The following CYFIP1 variants were observed in gnomAD, a reference collection of about 807,000 sequenced individuals.
CYFIP1 encodes the protein cytoplasmic FMR1-interacting protein 1.
Under a neutral mutation model 163.5 loss-of-function variants are expected in CYFIP1, and 58 were observed. That is an observed-to-expected ratio of 0.35 (90% CI 0.29 to 0.44). The LOEUF (loss-of-function observed/expected upper bound fraction) is 0.44, where lower values mean the gene tolerates loss of function less well. Among genes scored for constraint, CYFIP1 ranks in the 20% least tolerant of loss-of-function variants. The probability of loss-of-function intolerance (pLI) is 1.00; values close to 1 mark genes in which losing one functional copy is unlikely to be tolerated. For missense variants in CYFIP1, 1,338 were observed against 1,653.8 expected (o/e 0.81, Z 3.31); for synonymous variants, 663 against 660.7 (o/e 1.00, Z -0.05).
At position 22,882,980 on chromosome 15, in the gene CYFIP1, C is replaced by A. The variant is rs746768522; in HGVS notation, c.2708G>T (p.Gly903Val). The A allele has an allele frequency of 1.2e-6, 2 of 1,613,974 alleles. No homozygotes were observed. The highest frequency in any genetic ancestry group is 1.7e-6 in the Non-Finnish European group (2 of 1,179,916). Reference sequence around the variant, plus strand: ...AGGTCCCACGAAGTTCCGGTAGCTGCCGTAAATGCTGGAGTAGGCCAAGTT... The same window carrying A: ...AGGTCCCACGAAGTTCCGGTAGCTGACGTAAATGCTGGAGTAGGCCAAGTT... The part of the protein sequence containing the change: ...ALNLAYSSIY[G>V]SYRNFVGPPH... Residue 903 changes from glycine to valine, a missense_variant, in exon 24 of 31, where the codon GGC becomes GTC. By Grantham distance (109) the Gly-to-Val change is moderately radical (BLOSUM62 -3). Coordinates refer to ENST00000617928, the MANE Select transcript of CYFIP1 (RefSeq NM_014608.6).
At chr15:22,951,349 C>T in intron 1 of CYFIP1, 1 of 1,190,896 alleles carries the variant, frequency 8.4e-7, no homozygotes, top group South Asian at 1.5e-5. Context: ...CTGTTCCACA[C>T]ACCTCAGAAA....
intron 18 of CYFIP1, 69 bp from the exon 19 acceptor site, chr15:22,910,882 CAAA>C: frequency 7.2e-7 from 1 of 1,389,586 alleles, no homozygotes; most frequent in Non-Finnish European, 1.0e-6. Context: ...AGGTGAAAAA[CAAA>C]ATGTTTCGTT....
At chr15:22,916,719 T>C (rs1454797727) in intron 15 of CYFIP1, 89 bp from the exon 16 acceptor site, 2 of 1,613,910 alleles carry the variant, frequency 1.2e-6, no homozygotes, top group Non-Finnish European at 1.7e-6. Flanking sequence ...AGAGAAGGAC[T>C]GCTCCGCTAC....
chr15:22,939,696 T>C (rs1158214533), intron 6 of CYFIP1, among the ~76,000 whole-genome samples, 189 bp from the exon 7 acceptor site: 2 of 151,892 alleles, frequency 1.3e-5, no homozygotes, highest in Non-Finnish European at 2.9e-5. Context: ...GCACTCCAGG[T>C]CAGTCTTCTG....
rs766177290 is a variant in CYFIP1 at position 22,931,686 on chromosome 15, GAAAAAAA to G, written c.1110+530_1110+536del. 2.2e-3 allele frequency among the ~76,000 whole-genome samples: 89 copies of G among 39,712 alleles called. 1 individual carries two copies. Among genetic ancestry groups the G allele is most frequent in the Admixed American group, 3.1e-3 (7 of 2,276 alleles). 26.1% of individuals were successfully genotyped at this position (39,712 alleles called of 152,430 possible). A position where few individuals can be genotyped will look rare whatever the true frequency, so the allele number is the denominator to read the frequency against. On this transcript the variant is annotated intron_variant, in intron 11 of 30. Coordinates refer to ENST00000617928, the MANE Select transcript of CYFIP1 (RefSeq NM_014608.6). ...CTTGGGATCCCTATAATGTTTTTCT[GAAAAAAA>G]AAAAAAAAAAAAAAAAAGCTTTTTG... is the stretch of plus-strand genomic sequence containing the variant.
intron 23 of CYFIP1, among the ~76,000 whole-genome samples, chr15:22,883,787 A>T (rs1302872933): frequency 1.4e-5 from 2 of 141,974 alleles, no homozygotes; most frequent in Non-Finnish European, 3.0e-5. Context: ...ACTGCACTCC[A>T]GCCCGGGTGA....
chr15:22,911,357 G>C (rs1244077001), intron 18 of CYFIP1, among the ~76,000 whole-genome samples: 1 of 152,092 alleles, frequency 6.6e-6, no homozygotes, highest in Non-Finnish European at 1.5e-5. Flanking sequence ...AATCAACAAG[G>C]CTCTCTTCAC....
chr15:22,964,710 G>C (rs762810437), intron 1 of CYFIP1, among the ~76,000 whole-genome samples: 5 of 152,208 alleles, frequency 3.3e-5, no homozygotes, highest in Non-Finnish European at 7.3e-5. Flanking sequence ...GCCTTGGGCT[G>C]TCTGAGCTCA....
At chr15:22,872,623 CG>C (rs771271666) in intron 30 of CYFIP1, 83 of 556,528 alleles carry the variant, frequency 1.5e-4, no homozygotes, top group Non-Finnish European at 2.3e-4. Flanking sequence ...AGAAGGAAAA[CG>C]GAACAATGAG....
chr15:22,927,977 G>T lies in CYFIP1; in HGVS notation c.1162C>A (p.Arg388Ser). The T allele has an allele frequency of 6.2e-7, 1 of 1,601,188 alleles. No individual in the cohort carries two copies. ...TGCAGCGCCAGGTCGAAGAGCTTGC[G>T]GTACTCCGCGTCCGTCTTCTGGGCC... ...QEAQKTDAEYRKLFDLALQGL... is the reference protein window; with the variant it reads ...QEAQKTDAEYSKLFDLALQGL... The change falls in exon 12 of 31, where the codon CGC (arginine) becomes AGC (serine). Residue 388 changes from arginine (R) to serine (S), a missense_variant. This residue lies in a region of CYFIP1 where 824 missense variants were observed against 995.7 expected (regional missense o/e 0.83). Coordinates refer to ENST00000617928, the MANE Select transcript of CYFIP1 (RefSeq NM_014608.6).
At chr15:22,929,487 C>G (rs1178381119) in intron 11 of CYFIP1, among the ~76,000 whole-genome samples, 2 of 151,266 alleles carry the variant, frequency 1.3e-5, no homozygotes, top group African/African-American at 4.9e-5. Flanking sequence ...CAAAAATTAG[C>G]TAAGCATGGT....
intron 30 of CYFIP1, 37 bp from the exon 31 acceptor site, chr15:22,870,229 A>G (rs1191093680): frequency 2.6e-6 from 4 of 1,557,086 alleles, no homozygotes; most frequent in East Asian, 2.3e-5. Flanking sequence ...TACTATTAAC[A>G]CTTCAACATT....
intron 13 of CYFIP1, among the ~76,000 whole-genome samples, chr15:22,922,470 C>T (rs2061216701): frequency 6.6e-6 from 1 of 152,214 alleles, no homozygotes. Flanking sequence ...CTCTGGACTC[C>T]ACTCCTGTGC....
chr15:22,893,739 T>G (rs77032203), intron 22 of CYFIP1, among the ~76,000 whole-genome samples: 2 of 152,152 alleles, frequency 1.3e-5, no homozygotes, highest in African/African-American at 4.8e-5. Context: ...GCAGTACTTC[T>G]GGGTATGCCT....
chr15:22,940,856 A>G (rs1408587116), intron 6 of CYFIP1, among the ~76,000 whole-genome samples: 1 of 152,162 alleles, frequency 6.6e-6, no homozygotes, highest in African/African-American at 2.4e-5. Context: ...CCTGGCCAAC[A>G]TGGTGAAACC....
chr15:22,951,502 G>A, intron 1 of CYFIP1: 1 of 1,288,580 alleles, frequency 7.8e-7, no homozygotes, highest in Middle Eastern at 2.7e-4. Context: ...GCTGCCTGAG[G>A]ACGTGCTTCG....
At position 22,868,206 on chromosome 15, in the gene CYFIP1, A is replaced by T. The variant is rs1178611928; in HGVS notation, c.*1822T>A. 1 of 152,108 alleles carries T rather than the reference A, an allele frequency of 6.6e-6. No individual in the cohort carries two copies. The highest frequency in any genetic ancestry group is 6.5e-5 in the Admixed American group (1 of 15,286). The allele number at this position is 152,108 out of a possible 1,614,324, so 9.4% of individuals were successfully genotyped here. ...TTGGCCTTCTAAGGAGCTGTTTTAG[A>T]TGTTTTTTCTAACTGCCTCCTCCCA... On this transcript the variant is annotated 3_prime_UTR_variant, in exon 31 of 31. Transcript: ENST00000617928.
rs2059380757 is a variant in CYFIP1, at chr15:22,870,031, G to GCTGCT, written c.3754_3758dup (p.Ser1253ArgfsTer11). 2.5e-6 allele frequency: 4 copies of GCTGCT among 1,599,248 alleles called. No homozygotes were observed. In the Admixed American group the frequency reaches 7.2e-5, roughly 29 times the overall value. On this transcript the variant is annotated frameshift_variant, in exon 31 of 31. Transcript: ENST00000617928. LOFTEE classifies it high-confidence loss of function. ...TTACGGAGTGCAGCGCGTGCCCTCAGCTGCTGGCGAGGGACTGGTGGATGG... is the reference window on the plus strand; with the variant it reads ...TTACGGAGTGCAGCGCGTGCCCTCAGCTGCTCTGCTGGCGAGGGACTGGTGGATGG...
intron 13 of CYFIP1, among the ~76,000 whole-genome samples, chr15:22,921,513 G>A (rs1229945597): frequency 6.6e-6 from 1 of 151,264 alleles, no homozygotes; most frequent in Non-Finnish European, 1.5e-5. Context: ...GAATAACAAA[G>A]AAAAAAAAGA....
Sources: allele counts gnomAD v4.1 joint callset (sites outside exome capture counted in the v4.1 genomes callset), GRCh38; gene constraint gnomAD v4.1.1; regional missense constraint gnomAD v4.1.1; transcripts MANE v1.5; gene names NCBI Gene and HGNC (gene_info 2026-07-23, HGNC 2026-07-21).